The following RABGAP1L variants were observed in gnomAD, a reference collection of about 807,000 sequenced individuals.
RABGAP1L encodes rab GTPase-activating protein 1-like.
RABGAP1L carries 63 observed loss-of-function variants against 137.7 expected under a neutral mutation model. That is an observed-to-expected ratio of 0.46 (90% CI 0.37 to 0.56). The LOEUF (loss-of-function observed/expected upper bound fraction) is 0.56, where lower values mean the gene tolerates loss of function less well. RABGAP1L is among the 20% of genes least tolerant of loss of function. The probability of loss-of-function intolerance (pLI) is 0.00; values close to 1 mark genes in which losing one functional copy is unlikely to be tolerated. For synonymous variants in RABGAP1L, 431 were observed against 433.7 expected, an observed-to-expected ratio of 0.99 and a Z score of 0.08; for missense variants, 1,095 against 1,244.0, an observed-to-expected ratio of 0.88 and a Z score of 1.80.
At chr1:174,291,774 T>C (rs559875381) in intron 10 of RABGAP1L, among the ~76,000 whole-genome samples, 2 of 152,168 alleles carry the variant, frequency 1.3e-5, no homozygotes, top group East Asian at 3.9e-4. Context: ...ATAGGGTTTG[T>C]AGGATCTTCC....
intron 14 of RABGAP1L, among the ~76,000 whole-genome samples, chr1:174,642,650 T>TCTCCC (rs1338459974): frequency 6.6e-6 from 1 of 151,194 alleles, no homozygotes; most frequent in African/African-American, 2.4e-5. Flanking sequence ...TCTCCTCTCC[T>TCTCCC]CTCCCCACCC....
At chr1:174,684,482 G>A (rs181928137) in intron 15 of RABGAP1L, among the ~76,000 whole-genome samples, 23 of 152,278 alleles carry the variant, frequency 1.5e-4, no homozygotes, top group African/African-American at 5.1e-4. Context: ...GTGGTATGAC[G>A]TAAAAATGGT....
At chr1:174,602,158 G>A (rs997410717) in intron 13 of RABGAP1L, among the ~76,000 whole-genome samples, 1 of 152,056 alleles carries the variant, frequency 6.6e-6, no homozygotes, top group African/African-American at 2.4e-5. Context: ...CACTCTATGG[G>A]TACCAATTTA....
At chr1:174,615,301 C>T (rs1346915654) in intron 13 of RABGAP1L, among the ~76,000 whole-genome samples, 1 of 152,172 alleles carries the variant, frequency 6.6e-6, no homozygotes, top group Non-Finnish European at 1.5e-5. Context: ...ACAGACAGGA[C>T]CCTCAGCTGC....
At chr1:174,643,037 G>A (rs985955751) in intron 14 of RABGAP1L, among the ~76,000 whole-genome samples, 41 of 151,956 alleles carry the variant, frequency 2.7e-4, no homozygotes, top group African/African-American at 9.2e-4. Context: ...CGCCTGCCTC[G>A]GTCTCTCAGA....
intron 18 of RABGAP1L, among the ~76,000 whole-genome samples, chr1:174,767,523 TTTC>T (rs1685768510): frequency 9.5e-6 from 1 of 105,016 alleles, no homozygotes; most frequent in African/African-American, 2.6e-5. Context: ...TACAACTGAC[TTTC>T]CTTTTTTTTT....
intron 19 of RABGAP1L, among the ~76,000 whole-genome samples, chr1:174,813,200 T>TA (rs1690052302): frequency 6.6e-6 from 1 of 152,006 alleles, no homozygotes; most frequent in Non-Finnish European, 1.5e-5. Flanking sequence ...GATTTTGGAG[T>TA]AATCCTCTTG....
chr1:174,624,953 C>G (rs985318031), intron 13 of RABGAP1L, among the ~76,000 whole-genome samples: 2 of 151,516 alleles, frequency 1.3e-5, no homozygotes, highest in African/African-American at 2.4e-5. Context: ...TCACTGCAAC[C>G]TCCGCCCCCC....
rs545413551 is a variant in RABGAP1L at position 174,336,695 on chromosome 1, A to T, written c.1465+31568A>T. ...ACCATGGTTTGAGAAACAAGAGTTTAAATTGCCTACCTATATTAGCTCATT... is the reference window on the plus strand; with the variant it reads ...ACCATGGTTTGAGAAACAAGAGTTTTAATTGCCTACCTATATTAGCTCATT... On this transcript the variant is annotated intron_variant, in intron 11 of 25. Transcript: ENST00000681986. Among the ~76,000 whole-genome samples the T allele has an allele frequency of 2.0e-5, 3 of 152,328 alleles. No homozygotes were observed. In the East Asian group the frequency reaches 5.8e-4, roughly 29 times the overall value.
intron 15 of RABGAP1L, among the ~76,000 whole-genome samples, chr1:174,684,806 A>G (rs1162960211): frequency 6.6e-6 from 1 of 152,066 alleles, no homozygotes; most frequent in Non-Finnish European, 1.5e-5. Context: ...ATGAGACACC[A>G]TCACTACCAC....
At chr1:174,357,700 ACT>A (rs934273753) in intron 11 of RABGAP1L, among the ~76,000 whole-genome samples, 8 of 152,078 alleles carry the variant, frequency 5.3e-5, no homozygotes, top group African/African-American at 1.4e-4. Context: ...GCTTGAATTG[ACT>A]CTGCAATTCT....
intron 1 of RABGAP1L, among the ~76,000 whole-genome samples, chr1:174,208,565 T>C (rs1425327046): frequency 6.6e-6 from 1 of 152,184 alleles, no homozygotes; most frequent in African/African-American, 2.4e-5. Flanking sequence ...TTTAGCCTAT[T>C]GATATGTAGG....
intron 11 of RABGAP1L, chr1:174,368,024 G>T (rs74128371): frequency 0.035 from 5,291 of 153,028 alleles, 122 homozygotes; most frequent in Middle Eastern, 0.068. Context: ...TACCAACTGG[G>T]TACCAAACTG....
chr1:174,773,705 A>G (rs553766952), intron 18 of RABGAP1L, among the ~76,000 whole-genome samples: 51 of 152,324 alleles, frequency 3.3e-4, no homozygotes, highest in Non-Finnish European at 6.6e-4. Flanking sequence ...ATCATCATGA[A>G]ATTAAAATAT....
intron 15 of RABGAP1L, among the ~76,000 whole-genome samples, chr1:174,686,648 CTTTTTTTTTTTTT>C (rs533716511): frequency 1.4e-4 from 15 of 105,840 alleles, no homozygotes; most frequent in Admixed American, 4.4e-4. Flanking sequence ...ACAAAGCAAT[CTTTTTTTTTTTTT>C]TTTTTTTTTT....
intron 11 of RABGAP1L, chr1:174,367,263 T>C (rs764233332): frequency 6.6e-6 from 1 of 152,454 alleles, no homozygotes; most frequent in African/African-American, 2.4e-5. Context: ...CTTTACATTC[T>C]CTTGCTGCCG....
intron 19 of RABGAP1L, among the ~76,000 whole-genome samples, chr1:174,824,713 A>T (rs1296932516): frequency 6.6e-6 from 1 of 152,086 alleles, no homozygotes; most frequent in Non-Finnish European, 1.5e-5. Context: ...AGATCCATTT[A>T]CCTTGCAAAT....
chr1:174,685,063 G>A (rs1678357086), intron 15 of RABGAP1L, among the ~76,000 whole-genome samples: 1 of 152,122 alleles, frequency 6.6e-6, no homozygotes, highest in Non-Finnish European at 1.5e-5. Context: ...GCAGAATTAA[G>A]AAACATTCAG....
At chr1:174,435,068 C>T (rs536809521) in intron 13 of RABGAP1L, among the ~76,000 whole-genome samples, 2 of 152,292 alleles carry the variant, frequency 1.3e-5, no homozygotes, top group Admixed American at 1.3e-4. Flanking sequence ...GTCACCTAGG[C>T]TGGAGTGTGT....
Sources: gnomAD v4.1 joint callset for allele counts (sites outside exome capture counted in the v4.1 genomes callset) on GRCh38, gnomAD v4.1.1 for gene constraint, MANE v1.5 for transcripts, NCBI Gene and HGNC (gene_info 2026-07-23, HGNC 2026-07-21) for gene names.